Variants in STX8 observed in about 807,000 individuals in gnomAD.
STX8 encodes syntaxin-8.
STX8 carries 23 observed loss-of-function variants against 37.5 expected under a neutral mutation model. The ratio of observed to expected loss-of-function variants is 0.61; its 90% CI spans 0.44 to 0.87. The LOEUF (loss-of-function observed/expected upper bound fraction) is 0.87, where lower values mean the gene tolerates loss of function less well. Among genes scored for constraint, STX8 ranks in the 40% least tolerant of loss-of-function variants. STX8 has a pLI of 0.00. For missense variants in STX8, 313 were observed against 284.7 expected (o/e 1.10, Z -0.71); for synonymous variants, 115 against 99.1 (o/e 1.16, Z -0.95).
chr17:9,408,914 G>C (rs1912888250), intron 6 of STX8, among the ~76,000 whole-genome samples: 1 of 152,120 alleles, frequency 6.6e-6, no homozygotes, highest in Admixed American at 6.5e-5. Flanking sequence ...AATTAGGACA[G>C]ACGTGCACTA....
intron 7 of STX8, among the ~76,000 whole-genome samples, chr17:9,274,738 C>T (rs1907605195): frequency 7.6e-6 from 1 of 131,840 alleles, no homozygotes; most frequent in Non-Finnish European, 1.6e-5. Context: ...AAAAATACAA[C>T]AATTTCTTTT....
intron 7 of STX8, among the ~76,000 whole-genome samples, chr17:9,300,776 C>A (rs1193102310): frequency 6.6e-6 from 1 of 151,162 alleles, no homozygotes; most frequent in African/African-American, 2.4e-5. Flanking sequence ...AGAGGTTGTG[C>A]CTTCCAAATT....
chr17:9,486,593 G>A (rs1023679952), intron 6 of STX8, among the ~76,000 whole-genome samples: 2 of 152,188 alleles, frequency 1.3e-5, no homozygotes, highest in African/African-American at 2.4e-5. Context: ...GCTCAAGCCT[G>A]TAGTCCCAAT....
intron 7 of STX8, among the ~76,000 whole-genome samples, chr17:9,375,947 C>T (rs1312332359): frequency 6.6e-6 from 1 of 152,130 alleles, no homozygotes; most frequent in East Asian, 1.9e-4. Context: ...CTCATGATAT[C>T]TATGCTCTGG....
At chr17:9,327,138 C>A (rs1330687501) in intron 7 of STX8, among the ~76,000 whole-genome samples, 2 of 136,336 alleles carry the variant, frequency 1.5e-5, no homozygotes, top group Admixed American at 1.6e-4. Flanking sequence ...GCCTGGGCAA[C>A]AAGAGCTAAA....
chr17:9,250,750 G>A, intron 7 of STX8, 105 bp from the exon 8 acceptor site: 1 of 1,222,598 alleles, frequency 8.2e-7, no homozygotes, highest in Middle Eastern at 1.9e-4. Flanking sequence ...TTCCCTCTGA[G>A]CCTTCAGTTT....
At chr17:9,378,825 A>G (rs575649077) in intron 6 of STX8, among the ~76,000 whole-genome samples, 172 bp from the exon 7 acceptor site, 2 of 152,300 alleles carry the variant, frequency 1.3e-5, no homozygotes, top group African/African-American at 4.8e-5. Flanking sequence ...AAAGGAAAAA[A>G]AAAAGCAGTA....
At chr17:9,544,231 CT>C (rs1168502092) in intron 4 of STX8, among the ~76,000 whole-genome samples, 1 of 152,214 alleles carries the variant, frequency 6.6e-6, no homozygotes, top group Non-Finnish European at 1.5e-5. Flanking sequence ...AGCTCATTGC[CT>C]TCTGTGATGG....
chr17:9,526,945 C>T (rs538713259), intron 4 of STX8, among the ~76,000 whole-genome samples: 88 of 151,454 alleles, frequency 5.8e-4, no homozygotes, highest in Middle Eastern at 3.4e-3. Context: ...TTTGGGAGGC[C>T]GAGGCGGGTG....
intron 4 of STX8, among the ~76,000 whole-genome samples, chr17:9,540,447 C>A (rs567589855): frequency 1.3e-5 from 2 of 152,168 alleles, no homozygotes; most frequent in African/African-American, 4.8e-5. Flanking sequence ...GACATGTTCC[C>A]GTTACGGTGT....
chr17:9,488,488 G>T (rs78660466), intron 6 of STX8, among the ~76,000 whole-genome samples: 176 of 152,298 alleles, frequency 1.2e-3, no homozygotes, highest in African/African-American at 4.2e-3. Context: ...ACATGAGGAG[G>T]TGATCCTGGA....
At chr17:9,288,617 G>A (rs561863049) in intron 7 of STX8, among the ~76,000 whole-genome samples, 23 of 152,026 alleles carry the variant, frequency 1.5e-4, no homozygotes, top group South Asian at 8.3e-4. Flanking sequence ...AGCCGAGATC[G>A]CGCCACTGCA....
At chr17:9,320,990 C>T (rs985213835) in intron 7 of STX8, among the ~76,000 whole-genome samples, 5 of 147,096 alleles carry the variant, frequency 3.4e-5, no homozygotes, top group African/African-American at 1.3e-4. Flanking sequence ...GGAGTGCAAA[C>T]GTTATCAACA....
intron 6 of STX8, among the ~76,000 whole-genome samples, chr17:9,406,322 G>T (rs900060324): frequency 6.6e-6 from 1 of 152,132 alleles, no homozygotes; most frequent in African/African-American, 2.4e-5. Context: ...AAATAAGAGA[G>T]AAGTTCAAGG....
chr17:9,511,104 A>AT (rs1260857637), intron 4 of STX8, among the ~76,000 whole-genome samples: 1 of 152,184 alleles, frequency 6.6e-6, no homozygotes, highest in Non-Finnish European at 1.5e-5. Context: ...AAGTAATGAG[A>AT]TTGAATCAAT....
intron 5 of STX8, among the ~76,000 whole-genome samples, chr17:9,500,814 A>T (rs541940985): frequency 8.3e-4 from 126 of 152,246 alleles, no homozygotes; most frequent in African/African-American, 2.9e-3. Context: ...CATCCTGGCT[A>T]ACATGGTGAA....
At chr17:9,461,455 G>A (rs937942030) in intron 6 of STX8, 1 of 152,188 alleles carries the variant, frequency 6.6e-6, no homozygotes, top group Non-Finnish European at 1.5e-5. Context: ...GGGTGCTAGA[G>A]ATAGAGACAG....
chr17:9,283,624 G>C (rs1597582738), intron 7 of STX8, among the ~76,000 whole-genome samples: 1 of 152,314 alleles, frequency 6.6e-6, no homozygotes, highest in Middle Eastern at 3.4e-3. Context: ...AAAGTACCAT[G>C]AGAACTTGGA....
At chr17:9,253,207 G>GGTGTGTGTGT (rs36048368) in intron 7 of STX8, among the ~76,000 whole-genome samples, 26,611 of 140,744 alleles carry the variant, frequency 0.19, 2,829 homozygotes, top group Non-Finnish European at 0.23. Flanking sequence ...CAGGGGTAGG[G>GGTGTGTGTGT]GTGTGTGTGT....
Sources: allele counts gnomAD v4.1 joint callset (sites outside exome capture counted in the v4.1 genomes callset), GRCh38; gene constraint gnomAD v4.1.1; transcripts MANE v1.5; gene names NCBI Gene and HGNC (gene_info 2026-07-23, HGNC 2026-07-21).